The following ATAD2B variants were observed in gnomAD, a reference collection of about 807,000 sequenced individuals.
ATAD2B encodes ATPase family AAA domain-containing protein 2B.
ATAD2B carries 40 observed loss-of-function variants against 167.6 expected under a neutral mutation model. The observed-to-expected ratio is 0.24, with a 90% confidence interval of 0.19 to 0.31. ATAD2B has a LOEUF of 0.31. Ranked by LOEUF, ATAD2B falls within the 10% of genes least tolerant of loss-of-function variation. ATAD2B has a pLI of 1.00. For synonymous variants in ATAD2B, 579 were observed against 596.5 expected (o/e 0.97, Z 0.43); for missense variants, 1,242 against 1,757.2 (o/e 0.71, Z 5.24).
chr2:23,754,031 C>G, intron 27 of ATAD2B, 148 bp downstream of exon 27: 1 of 648,916 alleles, frequency 1.5e-6, no homozygotes, highest in Non-Finnish European at 2.4e-6. Flanking sequence ...AACTGTAACT[C>G]TTAATGATTT....
chr2:23,715,058 C>G, the ATAD2B span, among the ~76,000 whole-genome samples: 1 of 152,126 alleles, frequency 6.6e-6, no homozygotes, highest in East Asian at 1.9e-4. Flanking sequence ...ACAATAACTA[C>G]TCTACATATA....
intron 1 of ATAD2B, among the ~76,000 whole-genome samples, chr2:23,904,004 G>T (rs963940244): frequency 6.6e-6 from 1 of 152,006 alleles, no homozygotes. Flanking sequence ...AGGTGATGAC[G>T]GGAGAAGTAT....
chr2:23,922,701 C>CAAAAAAAAAAAAAAAAA lies in ATAD2B; in HGVS notation c.216+3853_216+3854insTTTTTTTTTTTTTTTTT, dbSNP rs11386515. Among the ~76,000 whole-genome samples, 33 of 126,422 alleles carry CAAAAAAAAAAAAAAAAA rather than the reference C, an allele frequency of 2.6e-4. 1 individual carries two copies. The highest frequency in any genetic ancestry group is 7.0e-4 in the African/African-American group (22 of 31,218). The allele number at this position is 126,422 out of a possible 152,430, so 82.9% of individuals were successfully genotyped here. A position where few individuals can be genotyped will look rare whatever the true frequency, so the allele number is the denominator to read the frequency against. ...TGGGCATCAGAGTAAGACTCTGTCTCAAAAAAAAAAAAAAAGGGTCCTAAC... is the reference window on the plus strand; with the variant it reads ...TGGGCATCAGAGTAAGACTCTGTCTCAAAAAAAAAAAAAAAAAAAAAAAAAAAAAAAAGGGTCCTAAC... On this transcript the variant is annotated intron_variant, in intron 1 of 27. Coordinates refer to ENST00000238789, the MANE Select transcript of ATAD2B (RefSeq NM_017552.4).
At chr2:23,707,326 T>G in the ATAD2B span, 1 of 152,212 alleles carries the variant, frequency 6.6e-6, no homozygotes, top group Non-Finnish European at 1.5e-5. Flanking sequence ...GGACAGTGAT[T>G]GCGCTAGCTT....
chr2:23,838,001 T>C (rs1690283374), intron 13 of ATAD2B, among the ~76,000 whole-genome samples: 1 of 152,236 alleles, frequency 6.6e-6, no homozygotes, highest in Non-Finnish European at 1.5e-5. Context: ...TCATTTCTAT[T>C]CCTTTACTCT....
At chr2:23,914,799 C>T (rs1025252193) in intron 1 of ATAD2B, among the ~76,000 whole-genome samples, 2 of 150,586 alleles carry the variant, frequency 1.3e-5, no homozygotes, top group Non-Finnish European at 2.9e-5. Flanking sequence ...GCCAAGATCG[C>T]GCCACTGCAC....
chr2:23,711,852 A>G, the ATAD2B span, among the ~76,000 whole-genome samples: 8 of 152,224 alleles, frequency 5.3e-5, no homozygotes, highest in Admixed American at 5.2e-4. Flanking sequence ...ATCCCTGTAC[A>G]TGTCTCCTCT....
chr2:23,883,585 CTG>C, intron 6 of ATAD2B: 1 of 1,277,606 alleles, frequency 7.8e-7, no homozygotes, highest in Non-Finnish European at 1.0e-6. Flanking sequence ...CATTATAAAT[CTG>C]TCTCACCTAT....
intron 18 of ATAD2B, among the ~76,000 whole-genome samples, chr2:23,801,431 G>C (rs564981939): frequency 4.1e-4 from 62 of 151,362 alleles, no homozygotes; most frequent in Admixed American, 1.2e-3. Context: ...TTGAGAACTA[G>C]AAAAATACTC....
At chr2:23,792,195 G>A (rs1003311678) in intron 19 of ATAD2B, among the ~76,000 whole-genome samples, 5 of 151,218 alleles carry the variant, frequency 3.3e-5, no homozygotes, top group South Asian at 2.1e-4. Context: ...CCCAAGCAGC[G>A]TGCCACCACG....
rs569218073 is a variant in ATAD2B, at chr2:23,897,593, G to A, written c.217-1623C>T. Among the ~76,000 whole-genome samples the A allele has an allele frequency of 1.0e-3, 154 of 152,196 alleles. 1 individual carries two copies. The highest frequency in any genetic ancestry group is 1.7e-3 in the Non-Finnish European group (115 of 68,020). On this transcript the variant is annotated intron_variant, in intron 1 of 27. Transcript: ENST00000238789. ...CATTTATATTTTTATCAGTATCATG[G>A]ATTCTTATTTTATTCTACAAATTAT...
the ATAD2B span, among the ~76,000 whole-genome samples, chr2:23,736,930 G>A: frequency 6.6e-6 from 1 of 152,204 alleles, no homozygotes; most frequent in Non-Finnish European, 1.5e-5. Context: ...TATGCCCAAG[G>A]AGTCTCCCTC....
chr2:23,787,918 T>C (rs1407328998), intron 20 of ATAD2B, among the ~76,000 whole-genome samples: 3 of 152,086 alleles, frequency 2.0e-5, no homozygotes, highest in Non-Finnish European at 4.4e-5. Flanking sequence ...TGAGAAATTC[T>C]TGAGGTACCT....
chr2:23,828,161 T>C (rs1255082272), intron 15 of ATAD2B, among the ~76,000 whole-genome samples: 2 of 152,042 alleles, frequency 1.3e-5, no homozygotes, highest in Non-Finnish European at 2.9e-5. Context: ...CCTATGTGTA[T>C]ATTCAGGTGC....
chr2:23,716,916 C>T, the ATAD2B span, among the ~76,000 whole-genome samples: 2 of 152,198 alleles, frequency 1.3e-5, no homozygotes, highest in African/African-American at 4.8e-5. Flanking sequence ...TAAATCTTCA[C>T]TTCTCTCCTG....
intron 1 of ATAD2B, among the ~76,000 whole-genome samples, chr2:23,897,596 T>G (rs1250108311): frequency 6.6e-6 from 1 of 152,226 alleles, no homozygotes; most frequent in African/African-American, 2.4e-5. Flanking sequence ...TATCATGGAT[T>G]CTTATTTTAT....
At position 23,834,307 on chromosome 2, in the gene ATAD2B, G is replaced by A. The variant is rs369622510; in HGVS notation, c.1569-229C>T. Among the ~76,000 whole-genome samples, 171 of 151,606 alleles carry A rather than the reference G, an allele frequency of 1.1e-3. 3 individuals are homozygous for A. The South Asian group carries it at 0.033, about 29-fold the overall frequency. On this transcript the variant is annotated intron_variant, in intron 13 of 27. Transcript: ENST00000238789. ...CTCCCAAGTAGCTGGGACTACAGGC[G>A]CACGCCACCACGCCCAGCTAATTTT...
chr2:23,751,920 G>T lies in ATAD2B; in HGVS notation c.*126C>A. 1.3e-6 allele frequency: 1 copy of T among 765,778 alleles called. No individual in the cohort carries two copies. Among genetic ancestry groups the T allele is most frequent in the Non-Finnish European group, 2.1e-6 (1 of 468,856 alleles). 47.4% of individuals were successfully genotyped at this position (765,778 alleles called of 1,614,324 possible). On this transcript the variant is annotated 3_prime_UTR_variant, in exon 28 of 28. Transcript: ENST00000238789. ...TAGCACCAAATTCAACAGAGAGAAA[G>T]AATGAGTGAGAGAGCACTTTACACC... is the stretch of plus-strand genomic sequence containing the variant.
the ATAD2B span, among the ~76,000 whole-genome samples, chr2:23,740,398 T>C: frequency 1.2e-4 from 18 of 151,932 alleles, no homozygotes; most frequent in Non-Finnish European, 2.2e-4. Context: ...TGGTTCAACA[T>C]ACGCAAATCA....
Sources: allele counts gnomAD v4.1 joint callset (sites outside exome capture counted in the v4.1 genomes callset), GRCh38; gene constraint gnomAD v4.1.1; transcripts MANE v1.5; gene names NCBI Gene and HGNC (gene_info 2026-07-23, HGNC 2026-07-21).